PDE4B: variants seen among roughly 807,000 people sequenced by gnomAD.
The protein encoded by PDE4B is phosphodiesterase 4B, also known as 3',5'-cyclic-AMP phosphodiesterase 4B.
Under a neutral mutation model 82.2 loss-of-function variants are expected in PDE4B, and 20 were observed. The observed-to-expected ratio is 0.24, with a 90% confidence interval of 0.17 to 0.35. The LOEUF is 0.35. Among genes scored for constraint, PDE4B ranks in the 10% least tolerant of loss-of-function variants. The probability of loss-of-function intolerance (pLI) is 1.00; values close to 1 mark genes in which losing one functional copy is unlikely to be tolerated. For synonymous variants in PDE4B, 320 were observed against 318.9 expected (o/e 1.00, Z -0.04); for missense variants, 655 against 907.2 (o/e 0.72, Z 3.57).
chr1:66,358,360 T>C (rs1444166907), intron 9 of PDE4B, among the ~76,000 whole-genome samples: 1 of 152,138 alleles, frequency 6.6e-6, no homozygotes, highest in Non-Finnish European at 1.5e-5. Flanking sequence ...GGAATCAGGA[T>C]TGTTGGAGCT....
intron 1 of PDE4B, among the ~76,000 whole-genome samples, chr1:65,909,380 T>G (rs958231497): frequency 6.6e-6 from 1 of 152,194 alleles, no homozygotes; most frequent in African/African-American, 2.4e-5. Flanking sequence ...TGAAATTCCT[T>G]TTAGCCAGGT....
intron 1 of PDE4B, among the ~76,000 whole-genome samples, chr1:65,907,344 T>C (rs932398756): frequency 6.6e-6 from 1 of 152,182 alleles, no homozygotes; most frequent in Admixed American, 6.6e-5. Context: ...AGAGTTGTTT[T>C]TTATAGTTTG....
intron 12 of PDE4B, among the ~76,000 whole-genome samples, chr1:66,364,755 C>G (rs1477398817): frequency 6.6e-6 from 1 of 152,178 alleles, no homozygotes; most frequent in Non-Finnish European, 1.5e-5. Context: ...TGAGGCAACA[C>G]TATCTATCAA....
chr1:66,234,278 G>T (rs954224566), intron 3 of PDE4B, among the ~76,000 whole-genome samples: 1 of 152,112 alleles, frequency 6.6e-6, no homozygotes, highest in African/African-American at 2.4e-5. Context: ...GTTGTCAAAT[G>T]TACTGGCATA....
chr1:65,904,907 C>A (rs1488608148), intron 1 of PDE4B, among the ~76,000 whole-genome samples: 2 of 152,150 alleles, frequency 1.3e-5, no homozygotes, highest in Non-Finnish European at 2.9e-5. Flanking sequence ...TTATTCATAT[C>A]TCTGTCAGAA....
At chr1:66,123,438 A>T (rs1645753827) in intron 3 of PDE4B, among the ~76,000 whole-genome samples, 1 of 152,034 alleles carries the variant, frequency 6.6e-6, no homozygotes, top group Admixed American at 6.6e-5. Context: ...TTTTCAAGTG[A>T]GTTATTAGGA....
At chr1:65,847,843 G>A (rs1646284272) in intron 1 of PDE4B, among the ~76,000 whole-genome samples, 1 of 152,178 alleles carries the variant, frequency 6.6e-6, no homozygotes, top group Non-Finnish European at 1.5e-5. Context: ...TAAGAGCTCA[G>A]CAAGCTCAGG....
intron 3 of PDE4B, among the ~76,000 whole-genome samples, chr1:65,930,541 C>A (rs1647775013): frequency 6.6e-6 from 1 of 152,186 alleles, no homozygotes; most frequent in African/African-American, 2.4e-5. Flanking sequence ...GGGAGCCCAG[C>A]CCTTACATCA....
chr1:66,165,778 G>C (rs1383712361), intron 3 of PDE4B, among the ~76,000 whole-genome samples: 1 of 152,076 alleles, frequency 6.6e-6, no homozygotes, highest in Non-Finnish European at 1.5e-5. Context: ...TATGTTAGTG[G>C]ATTGGAAGAC....
chr1:66,029,742 A>G (rs1653658296), intron 3 of PDE4B, among the ~76,000 whole-genome samples: 1 of 152,208 alleles, frequency 6.6e-6, no homozygotes, highest in South Asian at 2.1e-4. Context: ...TAATGAATTC[A>G]TCTTCCTACA....
rs1232136590 is a variant in PDE4B, at chr1:66,373,509, CA to C, written c.*832del. 6.5e-6 allele frequency: 1 copy of C among 152,672 alleles called. No individual in the cohort carries two copies. The highest frequency in any genetic ancestry group is 1.5e-5 in the Non-Finnish European group (1 of 68,092). The allele number at this position is 152,672 out of a possible 1,614,324, so 9.5% of individuals were successfully genotyped here. A position where few individuals can be genotyped will look rare whatever the true frequency, so the allele number is the denominator to read the frequency against. ...CTGCTGTGTCTTGGACCCTGCCCCC[CA>C]CAGGAGTTGTACAGTCCCTGGCCCT... On this transcript the variant is annotated 3_prime_UTR_variant, in exon 17 of 17. Coordinates refer to ENST00000341517, the MANE Select transcript of PDE4B (RefSeq NM_002600.4).
chr1:65,961,758 G>A (rs1157495048), intron 3 of PDE4B, among the ~76,000 whole-genome samples: 1 of 152,104 alleles, frequency 6.6e-6, no homozygotes, highest in Non-Finnish European at 1.5e-5. Flanking sequence ...AAGGTGTCAT[G>A]AAGTTACTTA....
chr1:66,064,055 AATAAG>A (rs1193708629), intron 3 of PDE4B, among the ~76,000 whole-genome samples: 4 of 152,020 alleles, frequency 2.6e-5, no homozygotes. Context: ...TTCGGAGAGT[AATAAG>A]ATAAGTTGTG....
intron 7 of PDE4B, among the ~76,000 whole-genome samples, chr1:66,326,232 A>G (rs1659744009): frequency 6.6e-6 from 1 of 152,218 alleles, no homozygotes; most frequent in Non-Finnish European, 1.5e-5. Context: ...GAAAGCCTAC[A>G]TGGACAACCA....
chr1:65,887,403 C>CTTTTTTTTTTTTTT (rs1646801006), intron 1 of PDE4B, among the ~76,000 whole-genome samples: 1 of 13,740 alleles, frequency 7.3e-5, no homozygotes, highest in African/African-American at 4.1e-4. Flanking sequence ...CTTTCTTTTT[C>CTTTTTTTTTTTTTT]TTTTTCTTCT....
chr1:66,326,643 C>A (rs758194149), intron 7 of PDE4B, among the ~76,000 whole-genome samples: 4 of 152,012 alleles, frequency 2.6e-5, no homozygotes, highest in Non-Finnish European at 5.9e-5. Context: ...TATGTGAGGC[C>A]CATAAAGGTT....
At chr1:65,813,868 G>T (rs1645847151) in intron 1 of PDE4B, among the ~76,000 whole-genome samples, 1 of 136,902 alleles carries the variant, frequency 7.3e-6, no homozygotes, top group Non-Finnish European at 1.5e-5. Flanking sequence ...AAAATAATGT[G>T]TCCAATAGGC....
chr1:65,918,210 A>G (rs958775109), intron 2 of PDE4B, among the ~76,000 whole-genome samples: 3 of 152,224 alleles, frequency 2.0e-5, no homozygotes, highest in Non-Finnish European at 4.4e-5. Context: ...ATATTTTCTC[A>G]TAGTTTGTTC....
intron 3 of PDE4B, among the ~76,000 whole-genome samples, chr1:65,960,831 A>T (rs1463800191): frequency 6.6e-6 from 1 of 152,126 alleles, no homozygotes; most frequent in Non-Finnish European, 1.5e-5. Context: ...CATGCTTTAT[A>T]AACTGTAAAG....
Sources: allele counts gnomAD v4.1 joint callset (sites outside exome capture counted in the v4.1 genomes callset), GRCh38; gene constraint gnomAD v4.1.1; transcripts MANE v1.5; gene names NCBI Gene and HGNC (gene_info 2026-07-23, HGNC 2026-07-21).